The following USP22 variants were observed in gnomAD, a reference collection of about 807,000 sequenced individuals.
The protein encoded by USP22 is ubiquitin specific peptidase 22.
USP22 carries 22 observed loss-of-function variants against 68.1 expected under a neutral mutation model. The observed-to-expected ratio is 0.32, with a 90% CI of 0.23 to 0.46. The LOEUF (loss-of-function observed/expected upper bound fraction) is 0.46. Among genes scored for constraint, USP22 ranks in the 20% least tolerant of loss-of-function variants. The probability of loss-of-function intolerance (pLI) is 1.00; values close to 1 mark genes in which losing one functional copy is unlikely to be tolerated. For synonymous variants in USP22, 279 were observed against 274.2 expected, an observed-to-expected ratio of 1.02 and a Z score of -0.17; for missense variants, 433 against 695.8, an observed-to-expected ratio of 0.62 and a Z score of 4.25.
At chr17:21,023,047 G>A (rs1972176420) in intron 2 of USP22, among the ~76,000 whole-genome samples, 1 of 152,136 alleles carries the variant, frequency 6.6e-6, no homozygotes, top group Non-Finnish European at 1.5e-5. Flanking sequence ...GGAGCTGGAG[G>A]TCATTATCCT....
chr17:21,037,362 A>T (rs1374700466), intron 1 of USP22, among the ~76,000 whole-genome samples: 1 of 152,196 alleles, frequency 6.6e-6, no homozygotes, highest in Non-Finnish European at 1.5e-5. Context: ...TAAAGGAGGG[A>T]AAGAGTCACT....
chr17:21,027,803 C>T (rs531175971), intron 2 of USP22, among the ~76,000 whole-genome samples: 134 of 152,250 alleles, frequency 8.8e-4, no homozygotes, highest in Non-Finnish European at 1.7e-3. Context: ...AACCCCATCT[C>T]TACTAAAAAT....
intron 1 of USP22, among the ~76,000 whole-genome samples, chr17:21,035,088 C>A (rs569902197): frequency 2.4e-4 from 36 of 152,272 alleles, no homozygotes; most frequent in African/African-American, 7.5e-4. Flanking sequence ...CAAACTGGGG[C>A]AAAATCCTCC....
Position 21,028,691 on chromosome 17 carries a change from A to G in USP22, c.172-17T>C, listed in dbSNP as rs1972252538. ...GGACTTGGCCTGAAATTCAGAGAAG[A>G]GGAGGAGTGAACGCTGTGTGATAAG... On this transcript the variant is annotated splice_polypyrimidine_tract_variant and intron_variant, in intron 1 of 12. Transcript: ENST00000261497. 1 of 1,612,558 alleles carries G rather than the reference A, an allele frequency of 6.2e-7. No homozygotes were observed.
At chr17:21,013,528 C>A (rs1914032338) in intron 6 of USP22, among the ~76,000 whole-genome samples, 1 of 152,182 alleles carries the variant, frequency 6.6e-6, no homozygotes, top group Non-Finnish European at 1.5e-5. Flanking sequence ...ACTTAAGTAG[C>A]AGAACTTAAT....
chr17:21,015,564 G>A lies in USP22; in HGVS notation c.838+188C>T, dbSNP rs185133905. The A allele has an allele frequency of 1.2e-3, 930 of 762,792 alleles. 1 individual carries two copies. The highest frequency in any genetic ancestry group is 1.6e-3 in the Non-Finnish European group (850 of 516,736). The allele number at this position is 762,792 out of a possible 1,614,324, so 47.3% of individuals were successfully genotyped here. Reference sequence around the variant, plus strand: ...TTCCTCGCCTCTTAAAAATAAACTAGGAGGAGCCTCTCTGAGGTCATTAGT... The same window carrying A: ...TTCCTCGCCTCTTAAAAATAAACTAAGAGGAGCCTCTCTGAGGTCATTAGT... On this transcript the variant is annotated intron_variant, in intron 6 of 12. Coordinates refer to ENST00000261497, the MANE Select transcript of USP22 (RefSeq NM_015276.2).
At chr17:21,027,446 C>G (rs1279240873) in intron 2 of USP22, among the ~76,000 whole-genome samples, 3 of 152,022 alleles carry the variant, frequency 2.0e-5, no homozygotes, top group Admixed American at 6.6e-5. Context: ...TCCAATAGGT[C>G]TTTCTAGGCT....
chr17:21,010,636 CCTGGTCGACAGAGCACAACT>C (rs1913933288), intron 8 of USP22, among the ~76,000 whole-genome samples: 1 of 150,774 alleles, frequency 6.6e-6, no homozygotes, highest in Non-Finnish European at 1.5e-5. Flanking sequence ...TGCATTCCAG[CCTGGTCGACAGAGCACAACT>C]CTGTCTCAAA....
chr17:21,027,942 T>A (rs910980146), intron 2 of USP22, among the ~76,000 whole-genome samples: 5 of 152,284 alleles, frequency 3.3e-5, no homozygotes, highest in Admixed American at 6.5e-5. Flanking sequence ...CACTCCACCC[T>A]GGGTGACAGC....
At position 21,034,587 on chromosome 17, in the gene USP22, C is replaced by A. The variant is rs569478897; in HGVS notation, c.172-5913G>T. Among the ~76,000 whole-genome samples the A allele has an allele frequency of 7.9e-5, 12 of 152,292 alleles. No individual in the cohort carries two copies. In the East Asian group the frequency reaches 2.1e-3, roughly 27 times the overall value. On this transcript the variant is annotated intron_variant, in intron 1 of 12. Coordinates refer to ENST00000261497, the MANE Select transcript of USP22 (RefSeq NM_015276.2). ...AAACTGAGTGACATCCCGCTCTGTC[C>A]CATGACCATCCCTTTGTCCAGCTTC...
At chr17:21,014,356 C>T (rs544403550) in intron 6 of USP22, among the ~76,000 whole-genome samples, 2 of 152,330 alleles carry the variant, frequency 1.3e-5, no homozygotes, top group East Asian at 1.9e-4. Context: ...GAAGGCTCTT[C>T]GTTATTCTCA....
At chr17:21,003,770 C>T (rs1355414958) in intron 12 of USP22, among the ~76,000 whole-genome samples, 1 of 150,048 alleles carries the variant, frequency 6.7e-6, no homozygotes, top group Non-Finnish European at 1.5e-5. Context: ...CGTGATGGTG[C>T]ATGCCTATAA....
chr17:21,004,475 G>C, intron 11 of USP22, 124 bp from the exon 12 acceptor site: 1 of 1,250,272 alleles, frequency 8.0e-7, no homozygotes, highest in Non-Finnish European at 1.1e-6. Context: ...TCAACCCCCA[G>C]GGCCTCAGGC....
In USP22 at chr17:21,003,064, C is replaced by T; in HGVS notation, c.1545G>A (p.Leu515=). 3 of 1,613,968 alleles carry T rather than the reference C, an allele frequency of 1.9e-6. No homozygotes were observed. Among genetic ancestry groups the T allele is most frequent in the African/African-American group, 1.3e-5 (1 of 75,052 alleles). ...ATTCCAGGAACTGTTTGTGATAGAA[C>T]AGCAAGTACCTGTGGAGGCAGAGAG... The part of the protein sequence containing the change: ...KDVLDSEGYL[L]FYHKQFLEYE Residue 515 remains leucine, a synonymous_variant, in exon 13 of 13, where the codon CTG becomes CTA. Transcript: ENST00000261497.
At position 21,042,879 on chromosome 17, in the gene USP22, G is replaced by C; in HGVS notation, c.-44C>G. 8.3e-7 allele frequency: 1 copy of C among 1,211,800 alleles called. No individual in the cohort carries two copies. Among genetic ancestry groups the C allele is most frequent in the Non-Finnish European group, 1.0e-6 (1 of 968,998 alleles). 75.1% of individuals were successfully genotyped at this position (1,211,800 alleles called of 1,614,324 possible). On this transcript the variant is annotated 5_prime_UTR_variant, in exon 1 of 13. Coordinates refer to ENST00000261497, the MANE Select transcript of USP22 (RefSeq NM_015276.2). ...GCGCGCGGGGGGCGGCGGCGAGGGA[G>C]GCGAGGACGACGCCAGCGCGGCGTG...
At chr17:21,020,020 C>A (rs535741080) in intron 3 of USP22, among the ~76,000 whole-genome samples, 1 of 152,128 alleles carries the variant, frequency 6.6e-6, no homozygotes, top group East Asian at 1.9e-4. Flanking sequence ...CTGAAAGAGC[C>A]CCTGTTGCTA....
At chr17:21,026,688 G>A (rs1162359231) in intron 2 of USP22, among the ~76,000 whole-genome samples, 3 of 151,868 alleles carry the variant, frequency 2.0e-5, no homozygotes, top group African/African-American at 7.3e-5. Flanking sequence ...ACTGTGTCCA[G>A]GCATGGTGGC....
At chr17:21,010,852 T>A (rs1336270194) in intron 8 of USP22, among the ~76,000 whole-genome samples, 1 of 152,040 alleles carries the variant, frequency 6.6e-6, no homozygotes, top group African/African-American at 2.4e-5. Context: ...GGTAGGTGAT[T>A]AGTGCAAGGG....
chr17:21,038,378 A>G (rs1383284569), intron 1 of USP22, among the ~76,000 whole-genome samples: 1 of 152,174 alleles, frequency 6.6e-6, no homozygotes, highest in Non-Finnish European at 1.5e-5. Context: ...AGACTGAGGC[A>G]TTGTTGGATG....
Sources: gnomAD v4.1 joint callset for allele counts (sites outside exome capture counted in the v4.1 genomes callset) on GRCh38, gnomAD v4.1.1 for gene constraint, MANE v1.5 for transcripts, NCBI Gene and HGNC (gene_info 2026-07-23, HGNC 2026-07-21) for gene names.